Variants in PLPPR1 observed in about 807,000 individuals in gnomAD.
PLPPR1 encodes the protein phospholipid phosphatase related 1, also known as phospholipid phosphatase-related protein type 1.
Under a neutral mutation model 33.1 loss-of-function variants are expected in PLPPR1, and 10 were observed. The ratio of observed to expected loss-of-function variants is 0.30; its 90% confidence interval spans 0.19 to 0.51. The LOEUF is 0.51. Ranked by LOEUF, PLPPR1 falls within the 20% of genes least tolerant of loss-of-function variation. The pLI is 0.97. For missense variants in PLPPR1, 304 were observed against 408.1 expected (o/e 0.74, Z 2.20); for synonymous variants, 151 against 151.0 (o/e 1.00, Z 0.00).
rs116036054 is a variant in PLPPR1 at position 101,237,288 on chromosome 9, A to G, written c.64-32592A>G. ...ATTTCCCAATAGAACTGAAAATAGA[A>G]CCACCAAATGATCCAGCAATCTCAC... On this transcript the variant is annotated intron_variant, in intron 2 of 7. Coordinates refer to ENST00000374874, the MANE Select transcript of PLPPR1 (RefSeq NM_207299.2). Among the ~76,000 whole-genome samples, 194 of 151,880 alleles carry G rather than the reference A, an allele frequency of 1.3e-3. 1 individual carries two copies. The highest frequency in any genetic ancestry group is 4.5e-3 in the African/African-American group (188 of 41,498).
intron 4 of PLPPR1, among the ~76,000 whole-genome samples, chr9:101,289,071 C>T (rs927192599): frequency 1.3e-5 from 2 of 152,174 alleles, no homozygotes; most frequent in African/African-American, 4.8e-5. Context: ...TTGTGAGGCC[C>T]TCTCCCATCA....
At chr9:101,198,049 C>T (rs377081) in intron 2 of PLPPR1, among the ~76,000 whole-genome samples, 50 of 151,968 alleles carry the variant, frequency 3.3e-4, no homozygotes, top group Non-Finnish European at 5.7e-4. Context: ...ATAAATAATA[C>T]TTGAGTACTC....
chr9:101,116,697 A>G (rs556125544), intron 1 of PLPPR1, among the ~76,000 whole-genome samples: 2 of 151,918 alleles, frequency 1.3e-5, no homozygotes, highest in Admixed American at 6.6e-5. Context: ...TCTAGTCCCA[A>G]CTACTCAGGA....
At chr9:101,045,171 G>T (rs1830129739) in intron 1 of PLPPR1, among the ~76,000 whole-genome samples, 1 of 152,284 alleles carries the variant, frequency 6.6e-6, no homozygotes, top group East Asian at 1.9e-4. Context: ...CAAAAGAAGG[G>T]TCTCAATGCC....
At chr9:101,214,125 C>G (rs1337882534) in intron 2 of PLPPR1, among the ~76,000 whole-genome samples, 4 of 152,104 alleles carry the variant, frequency 2.6e-5, no homozygotes, top group Non-Finnish European at 5.9e-5. Flanking sequence ...AAAAAGGGAG[C>G]TTAGGGATTG....
At chr9:101,121,270 T>A (rs1029467884) in intron 1 of PLPPR1, among the ~76,000 whole-genome samples, 6 of 152,220 alleles carry the variant, frequency 3.9e-5, no homozygotes, top group Non-Finnish European at 8.8e-5. Flanking sequence ...ATGTATCAGA[T>A]ATTGTGCTAA....
intron 2 of PLPPR1, among the ~76,000 whole-genome samples, chr9:101,237,987 A>ATATATATATATG (rs1043252977): frequency 7.4e-6 from 1 of 135,964 alleles, no homozygotes; most frequent in African/African-American, 2.7e-5. Context: ...GCCTATATAT[A>ATATATATATATG]TATATATATA....
chr9:101,084,159 G>T (rs955597112), intron 1 of PLPPR1, among the ~76,000 whole-genome samples: 1 of 152,162 alleles, frequency 6.6e-6, no homozygotes, highest in African/African-American at 2.4e-5. Context: ...TGATCAGGTG[G>T]TCCTAGCCAT....
chr9:101,250,900 T>C lies in PLPPR1; in HGVS notation c.64-18980T>C, dbSNP rs117591299. On this transcript the variant is annotated intron_variant, in intron 2 of 7. Transcript: ENST00000374874. ...TATTCTTTGGAGATTCTGATCCTTG[T>C]CCATGGCTGACTGTTGCTTTCTCTG... Among the ~76,000 whole-genome samples the C allele has an allele frequency of 6.8e-4, 103 of 152,154 alleles. 1 individual carries two copies. In the East Asian group the frequency reaches 0.019, roughly 29 times the overall value.
At chr9:101,134,974 C>T (rs536950708) in intron 1 of PLPPR1, among the ~76,000 whole-genome samples, 4 of 152,166 alleles carry the variant, frequency 2.6e-5, no homozygotes, top group African/African-American at 7.2e-5. Context: ...CACACCCTTC[C>T]CCATTTTGCA....
intron 2 of PLPPR1, among the ~76,000 whole-genome samples, chr9:101,242,209 A>G (rs1473898866): frequency 6.6e-6 from 1 of 151,170 alleles, no homozygotes; most frequent in Non-Finnish European, 1.5e-5. Flanking sequence ...AAGAAGAGAC[A>G]TTCCAAGAGA....
chr9:101,248,888 TTC>T (rs1324864795), intron 2 of PLPPR1, among the ~76,000 whole-genome samples: 2 of 152,074 alleles, frequency 1.3e-5, no homozygotes, highest in Non-Finnish European at 2.9e-5. Context: ...AAGAAAGACT[TTC>T]TGAGGCCAAA....
intron 1 of PLPPR1, among the ~76,000 whole-genome samples, chr9:101,182,450 T>C (rs574301861): frequency 2.6e-5 from 4 of 151,906 alleles, no homozygotes; most frequent in Admixed American, 2.6e-4. Context: ...ATTTAATCAT[T>C]TCATATTATA....
intron 2 of PLPPR1, among the ~76,000 whole-genome samples, chr9:101,255,258 A>G (rs1267003618): frequency 6.6e-6 from 1 of 152,124 alleles, no homozygotes; most frequent in Non-Finnish European, 1.5e-5. Flanking sequence ...CATGGTATAA[A>G]TACTGCAGCA....
intron 1 of PLPPR1, among the ~76,000 whole-genome samples, chr9:101,158,194 C>A (rs1831721932): frequency 6.6e-6 from 1 of 151,928 alleles, no homozygotes; most frequent in African/African-American, 2.4e-5. Context: ...GTAAAGAAGC[C>A]AGATTGCAAT....
At chr9:101,147,294 C>A (rs1279507108) in intron 1 of PLPPR1, among the ~76,000 whole-genome samples, 1 of 152,074 alleles carries the variant, frequency 6.6e-6, no homozygotes, top group Non-Finnish European at 1.5e-5. Flanking sequence ...GAGAATTACC[C>A]ATTTTCTGTC....
chr9:101,188,867 C>A (rs939927021), intron 2 of PLPPR1, among the ~76,000 whole-genome samples: 1 of 152,102 alleles, frequency 6.6e-6, no homozygotes, highest in African/African-American at 2.4e-5. Flanking sequence ...TGTCATCCTT[C>A]ATTTTTATAT....
At chr9:101,122,961 A>G (rs547923559) in intron 1 of PLPPR1, among the ~76,000 whole-genome samples, 12 of 152,272 alleles carry the variant, frequency 7.9e-5, no homozygotes, top group East Asian at 3.9e-4. Flanking sequence ...CTTAAGTACA[A>G]TGTTTTGGGG....
chr9:101,061,765 T>C (rs1830350778), intron 1 of PLPPR1, among the ~76,000 whole-genome samples: 1 of 151,832 alleles, frequency 6.6e-6, no homozygotes, highest in South Asian at 2.1e-4. Flanking sequence ...AACTGGCACA[T>C]AGCAGATACA....
Sources: allele counts gnomAD v4.1 joint callset (sites outside exome capture counted in the v4.1 genomes callset), GRCh38; gene constraint gnomAD v4.1.1; transcripts MANE v1.5; gene names NCBI Gene and HGNC (gene_info 2026-07-23, HGNC 2026-07-21).